PTPRC: variants seen among roughly 807,000 people sequenced by gnomAD.
The protein encoded by PTPRC is protein tyrosine phosphatase receptor type C, also known as receptor-type tyrosine-protein phosphatase C.
A neutral mutation model predicts 155.9 loss-of-function variants in PTPRC; 44 were observed. The ratio of observed to expected loss-of-function variants is 0.28; its 90% CI spans 0.22 to 0.36. The LOEUF (loss-of-function observed/expected upper bound fraction) is 0.36. Ranked by LOEUF, PTPRC falls within the 10% of genes least tolerant of loss-of-function variation. PTPRC has a pLI of 1.00. For missense variants in PTPRC, 1,401 were observed against 1,564.6 expected (o/e 0.90, Z 1.76); for synonymous variants, 525 against 533.1 (o/e 0.98, Z 0.21).
At chr1:198,656,972 T>C (rs527672962) in intron 2 of PTPRC, among the ~76,000 whole-genome samples, 53 of 151,414 alleles carry the variant, frequency 3.5e-4, no homozygotes, top group African/African-American at 1.3e-3. Context: ...AAATATCTAC[T>C]TGTGTTAATA....
intron 2 of PTPRC, 24 bp from the exon 3 acceptor site, chr1:198,692,323 G>C: frequency 1.3e-6 from 2 of 1,499,960 alleles, no homozygotes; most frequent in Non-Finnish European, 1.8e-6. Context: ...AATTTTCTAA[G>C]AGATTTTTGT....
chr1:198,749,533 A>G lies in PTPRC; in HGVS notation c.3056A>G (p.Asn1019Ser). Reference sequence around the variant, plus strand: ...TCAGAGGAACCAAGCAAATACATCAATGCATCTTTTATAATGGTAGGTACT... The same window carrying G: ...TCAGAGGAACCAAGCAAATACATCAGTGCATCTTTTATAATGGTAGGTACT... ...SDSEEPSKYI[N>S]ASFIMSYWKP... Residue 1019 changes from asparagine to serine, a missense_variant, in exon 28 of 33, where the codon AAT (asparagine) becomes AGT (serine). Physicochemically the swap from Asn to Ser is conservative, Grantham distance 46. Coordinates refer to ENST00000442510, the MANE Select transcript of PTPRC (RefSeq NM_002838.5). 2 of 1,610,936 alleles carry G rather than the reference A, an allele frequency of 1.2e-6. No homozygotes were observed. Among genetic ancestry groups the G allele is most frequent in the Admixed American group, 1.7e-5 (1 of 59,750 alleles).
At chr1:198,734,525 A>G (rs1046877239) in intron 22 of PTPRC, 100 bp downstream of exon 22, 1 of 999,038 alleles carries the variant, frequency 1.0e-6, no homozygotes, top group East Asian at 2.4e-5. Flanking sequence ...GATGACTAAA[A>G]CAGAGAGTTC....
At chr1:198,651,009 T>C (rs907024220) in intron 2 of PTPRC, among the ~76,000 whole-genome samples, 1 of 151,856 alleles carries the variant, frequency 6.6e-6, no homozygotes, top group Non-Finnish European at 1.5e-5. Flanking sequence ...AACTTTAATA[T>C]TGTTACAAAA....
At chr1:198,689,115 G>A (rs1033276134) in intron 2 of PTPRC, among the ~76,000 whole-genome samples, 7 of 152,000 alleles carry the variant, frequency 4.6e-5, no homozygotes, top group Admixed American at 2.0e-4. Flanking sequence ...AGTCTTCTCC[G>A]TTTTGGTAAT....
chr1:198,727,718 C>A (rs1205330168), intron 15 of PTPRC, among the ~76,000 whole-genome samples: 1 of 152,114 alleles, frequency 6.6e-6, no homozygotes, highest in Non-Finnish European at 1.5e-5. Flanking sequence ...GGTGAATATA[C>A]TGGAGATATT....
At position 198,732,938 on chromosome 1, in the gene PTPRC, C is replaced by T. The variant is rs1452992648; in HGVS notation, c.2142+382C>T. On this transcript the variant is annotated intron_variant, in intron 20 of 32. Transcript: ENST00000442510. ...TAGTTAATTACCTTGTTGTTGTTCACACAATTGGTAAATATTTGAGTTGAA... is the reference window on the plus strand; with the variant it reads ...TAGTTAATTACCTTGTTGTTGTTCATACAATTGGTAAATATTTGAGTTGAA... Among the ~76,000 whole-genome samples the T allele has an allele frequency of 2.6e-5, 4 of 151,708 alleles. No homozygotes were observed. In the East Asian group the frequency reaches 7.8e-4, roughly 29 times the overall value.
chr1:198,658,285 C>T (rs1209610987), intron 2 of PTPRC, among the ~76,000 whole-genome samples: 1 of 152,008 alleles, frequency 6.6e-6, no homozygotes, highest in Admixed American at 6.6e-5. Flanking sequence ...AATCTGGTAT[C>T]GTGGGAATAT....
intron 26 of PTPRC, among the ~76,000 whole-genome samples, chr1:198,745,988 A>G (rs1655118940): frequency 6.6e-6 from 1 of 151,834 alleles, no homozygotes; most frequent in Non-Finnish European, 1.5e-5. Context: ...GTGATGTAAT[A>G]TTTGGAATGA....
intron 23 of PTPRC, among the ~76,000 whole-genome samples, chr1:198,735,529 T>C (rs1439345105): frequency 6.6e-6 from 1 of 151,294 alleles, no homozygotes; most frequent in Non-Finnish European, 1.5e-5. Flanking sequence ...ATTAAATGTG[T>C]TGAAAATATA....
rs1655736173 is a variant in PTPRC, at chr1:198,757,392, A to AGTC, written c.*1212_*1214dup. On this transcript the variant is annotated 3_prime_UTR_variant, in exon 33 of 33. Transcript: ENST00000442510. ...CTTTTACAGGCCCCAATTATCCAAT[A>AGTC]GTCTAATAATTGTTTAAGATCTAGA... The AGTC allele has an allele frequency of 6.6e-6, 1 of 151,532 alleles. No homozygotes were observed. The highest frequency in any genetic ancestry group is 1.5e-5 in the Non-Finnish European group (1 of 67,734). 9.4% of individuals were successfully genotyped at this position (151,532 alleles called of 1,614,324 possible).
In PTPRC at chr1:198,639,229, G is replaced by A. The variant is rs756237254; in HGVS notation, c.-40G>A. The stretch of plus-strand genomic sequence containing the variant: ...TAACAATTATTTTGCTTTTCAGAAG[G>A]ACGCATGCTGTTTCTTAGGGACACG... On this transcript the variant is annotated 5_prime_UTR_variant, in exon 2 of 33. Transcript: ENST00000442510. 2.6e-6 allele frequency: 4 copies of A among 1,560,324 alleles called. No homozygotes were observed. Among genetic ancestry groups the A allele is most frequent in the Non-Finnish European group, 3.5e-6 (4 of 1,131,194 alleles).
intron 14 of PTPRC, among the ~76,000 whole-genome samples, chr1:198,719,129 G>C (rs1351293315): frequency 6.6e-6 from 1 of 151,998 alleles, no homozygotes; most frequent in African/African-American, 2.4e-5. Context: ...TGTATTTTGA[G>C]GCTTTTTGGA....
chr1:198,752,138 C>T, intron 29 of PTPRC, 111 bp from the exon 30 acceptor site: 1 of 1,263,184 alleles, frequency 7.9e-7, no homozygotes. Context: ...CAATAATTTT[C>T]ATTTAATAGA....
rs368873257 is a variant in PTPRC at position 198,706,965 on chromosome 1, T to G, written c.904+13T>G. ...GATGTGCCACCAGGTAAATATCAAT[T>G]TATTTCTTTTAATAAATTTATAAAA... is the stretch of plus-strand genomic sequence containing the variant. On this transcript the variant is annotated intron_variant, in intron 9 of 32. Transcript: ENST00000442510. 2.9e-5 allele frequency: 45 copies of G among 1,560,594 alleles called. 1 individual carries two copies. The South Asian group carries it at 4.8e-4, about 17-fold the overall frequency.
intron 25 of PTPRC, among the ~76,000 whole-genome samples, chr1:198,743,067 C>CAAAAAAAAAAAA (rs10628640): frequency 1.3e-5 from 1 of 75,948 alleles, no homozygotes; most frequent in Non-Finnish European, 2.5e-5. Context: ...GTCAAAATAG[C>CAAAAAAAAAAAA]AAAAAAAAAA....
At chr1:198,720,956 C>T (rs777857628) in intron 14 of PTPRC, among the ~76,000 whole-genome samples, 4 of 151,940 alleles carry the variant, frequency 2.6e-5, no homozygotes, top group Non-Finnish European at 5.9e-5. Context: ...TTAGCCACCT[C>T]CCTCCACGCT....
chr1:198,676,165 GC>G (rs1312630757), intron 2 of PTPRC, among the ~76,000 whole-genome samples: 1 of 152,208 alleles, frequency 6.6e-6, no homozygotes, highest in Non-Finnish European at 1.5e-5. Flanking sequence ...GAGTATTAAT[GC>G]GCTGTATGAA....
chr1:198,657,419 A>G (rs568238052), intron 2 of PTPRC: 8 of 152,096 alleles, frequency 5.3e-5, no homozygotes, highest in Non-Finnish European at 1.2e-4. Context: ...AGAATAAACC[A>G]TTTTCTCCTT....
Sources: gnomAD v4.1 joint callset for allele counts (sites outside exome capture counted in the v4.1 genomes callset) on GRCh38, gnomAD v4.1.1 for gene constraint, MANE v1.5 for transcripts, NCBI Gene and HGNC (gene_info 2026-07-23, HGNC 2026-07-21) for gene names.